Variants in OR56B4 observed in about 807,000 individuals in gnomAD.
OR56B4 encodes olfactory receptor family 56 subfamily B member 4.
For synonymous variants in OR56B4, 142 were observed against 149.5 expected (o/e 0.95, Z 0.37); for missense variants, 447 against 384.6 (o/e 1.16, Z -1.36).
Position 6,107,963 on chromosome 11 carries a change from A to T in OR56B4, c.185A>T (p.His62Leu), listed in dbSNP as rs149957525. ...ACCATTCAACATGAGACCGTGCTACATGAACCCATGTACCATTTGCTGGGC... is the reference window on the plus strand; with the variant it reads ...ACCATTCAACATGAGACCGTGCTACTTGAACCCATGTACCATTTGCTGGGC... ...IITIQHETVL[H>L]EPMYHLLGIL... The change falls in exon 1 of 1, where the codon CAT becomes CTT. Residue 62 changes from histidine to leucine, a missense_variant. His to Leu is a moderately conservative substitution (Grantham distance 99). Transcript: ENST00000316529. 357 of 1,614,108 alleles carry T rather than the reference A, an allele frequency of 2.2e-4. 1 individual carries two copies. The highest frequency in any genetic ancestry group is 1.0e-3 in the Middle Eastern group (6 of 6,008).
Position 6,108,331 on chromosome 11 carries a change from T to G in OR56B4, c.553T>G (p.Cys185Gly). ...CSRNEIEHCL[C>G]SNLGVISLAC... Reference sequence around the variant, plus strand: ...CAGGAATGAAATCGAGCACTGCCTCTGCTCTAACTTGGGGGTTATCAGCCT... The same window carrying G: ...CAGGAATGAAATCGAGCACTGCCTCGGCTCTAACTTGGGGGTTATCAGCCT... Residue 185 changes from cysteine (C) to glycine (G), a missense_variant, in exon 1 of 1, where the codon TGC becomes GGC. Cys to Gly is a radical substitution (Grantham distance 159). Coordinates refer to ENST00000316529, the MANE Select transcript of OR56B4 (RefSeq NM_001005181.2). 1.2e-6 allele frequency: 2 copies of G among 1,614,236 alleles called. No homozygotes were observed. The highest frequency in any genetic ancestry group is 1.7e-6 in the Non-Finnish European group (2 of 1,180,040).
chr11:6,108,706 CT>C lies in OR56B4; in HGVS notation c.929del (p.Leu310ArgfsTer21). 1 of 1,614,086 alleles carries C rather than the reference CT, an allele frequency of 6.2e-7. No homozygotes were observed. The highest frequency in any genetic ancestry group is 1.1e-5 in the South Asian group (1 of 91,078). Reference protein sequence around the residue: ...MHKLRLGFQRLLGLGQDVSK With the variant: ...MHKLRLGFQRXLGLGQDVSK ...CAAACTCAGACTGGGCTTTCAGAGA[CT>C]GCTTGGACTGGGTCAGGACGTGTCC... is the stretch of plus-strand genomic sequence containing the variant. On this transcript the variant is annotated frameshift_variant, in exon 1 of 1. Transcript: ENST00000316529. LOFTEE classifies it high-confidence loss of function.
Position 6,108,405 on chromosome 11 carries a change from A to G in OR56B4, c.627A>G (p.Ala209=), listed in dbSNP as rs919155370. The change falls in exon 1 of 1, where the codon GCA becomes GCG. Residue 209 remains alanine, a synonymous_variant. Coordinates refer to ENST00000316529, the MANE Select transcript of OR56B4 (RefSeq NM_001005181.2). ...ACAAATTTTACCAACTGATGCTAGCATGGGTCTTGGTTGGGAGTGATATGG... is the reference window on the plus strand; with the variant it reads ...ACAAATTTTACCAACTGATGCTAGCGTGGGTCTTGGTTGGGAGTGATATGG... The part of the protein sequence containing the change: ...TVNKFYQLML[A]WVLVGSDMAL... 6 of 1,613,940 alleles carry G rather than the reference A, an allele frequency of 3.7e-6. No individual in the cohort carries two copies. The African/African-American group carries it at 5.3e-5, about 14-fold the overall frequency.
chr11:6,107,933 T>C lies in OR56B4; in HGVS notation c.155T>C (p.Ile52Thr), dbSNP rs774240363. 1 of 1,614,138 alleles carries C rather than the reference T, an allele frequency of 6.2e-7. No homozygotes were observed. Among genetic ancestry groups the C allele is most frequent in the South Asian group, 1.1e-5 (1 of 91,088 alleles). ...GCTCTTGGTGCCAATCTCCTCATCA[T>C]AATCACCATTCAACATGAGACCGTG... is the stretch of plus-strand genomic sequence containing the variant. The part of the protein sequence containing the change: ...LLALGANLLI[I>T]ITIQHETVLH... Residue 52 changes from isoleucine to threonine, a missense_variant, in exon 1 of 1, where the codon ATA becomes ACA. By Grantham distance (89) the Ile-to-Thr change is moderately conservative (BLOSUM62 -1). Transcript: ENST00000316529.
rs768531928 is a variant in OR56B4 at position 6,108,498 on chromosome 11, G to T, written c.720G>T (p.Met240Ile). The T allele has an allele frequency of 3.6e-5, 58 of 1,614,196 alleles. No individual in the cohort carries two copies. The highest frequency in any genetic ancestry group is 4.7e-5 in the Non-Finnish European group (56 of 1,180,028). Reference sequence around the variant, plus strand: ...TGAGGCTGAACTCAGCAGAAGCAATGTCCAAGGCTCTGAGCACTTGTAGCT... The same window carrying T: ...TGAGGCTGAACTCAGCAGAAGCAATTTCCAAGGCTCTGAGCACTTGTAGCT... ...SVLRLNSAEA[M>I]SKALSTCSSH... is the part of the protein sequence containing the mutation. The change falls in exon 1 of 1, where the codon ATG (methionine) becomes ATT (isoleucine). Residue 240 changes from methionine (M) to isoleucine (I), a missense_variant. Transcript: ENST00000316529.
In OR56B4 at chr11:6,108,377, T is replaced by A; in HGVS notation, c.599T>A (p.Val200Glu). The change falls in exon 1 of 1, where the codon GTG becomes GAG. Residue 200 changes from valine (V) to glutamate (E), a missense_variant. Coordinates refer to ENST00000316529, the MANE Select transcript of OR56B4 (RefSeq NM_001005181.2). ...VISLACDDITVNKFYQLMLAW... is the reference protein window; with the variant it reads ...VISLACDDITENKFYQLMLAW... ...AGCCTGGCTTGTGATGACATCACTGTGAACAAATTTTACCAACTGATGCTA... is the reference window on the plus strand; with the variant it reads ...AGCCTGGCTTGTGATGACATCACTGAGAACAAATTTTACCAACTGATGCTA... The A allele has an allele frequency of 6.2e-7, 1 of 1,614,184 alleles. No individual in the cohort carries two copies. Among genetic ancestry groups the A allele is most frequent in the East Asian group, 2.2e-5 (1 of 44,884 alleles).
Position 6,108,080 on chromosome 11 carries a change from C to A in OR56B4, c.302C>A (p.Pro101His), listed in dbSNP as rs1849024399. The A allele has an allele frequency of 6.2e-7, 1 of 1,614,034 alleles. No homozygotes were observed. Among genetic ancestry groups the A allele is most frequent in the African/African-American group, 1.3e-5 (1 of 74,934 alleles). The change falls in exon 1 of 1, where the codon CCC (proline) becomes CAC (histidine). Residue 101 changes from proline (P) to histidine (H), a missense_variant. Transcript: ENST00000316529. ...FWFDAKAISL[P>H]MCFAQIYAIH... ...TTTGATGCCAAGGCCATTAGCCTCC[C>A]CATGTGTTTTGCTCAGATCTATGCC...
At position 6,108,318 on chromosome 11, in the gene OR56B4, C is replaced by A. The variant is rs772357495; in HGVS notation, c.540C>A (p.Ile180=). 1 of 1,614,182 alleles carries A rather than the reference C, an allele frequency of 6.2e-7. No individual in the cohort carries two copies. The highest frequency in any genetic ancestry group is 8.5e-7 in the Non-Finnish European group (1 of 1,180,020). Residue 180 remains isoleucine, a synonymous_variant, in exon 1 of 1, where the codon ATC becomes ATA. Transcript: ENST00000316529. ...AQRHYCSRNE[I]EHCLCSNLGV... is the part of the protein sequence containing the mutation. ...GACACTACTGTTCCAGGAATGAAATCGAGCACTGCCTCTGCTCTAACTTGG... is the reference window on the plus strand; with the variant it reads ...GACACTACTGTTCCAGGAATGAAATAGAGCACTGCCTCTGCTCTAACTTGG...
Position 6,108,650 on chromosome 11 carries a change from T to C in OR56B4, c.872T>C (p.Leu291Pro), listed in dbSNP as rs778713770. The C allele has an allele frequency of 1.1e-5, 18 of 1,613,930 alleles. No individual in the cohort carries two copies. In the South Asian group the frequency reaches 1.4e-4, roughly 13 times the overall value. Residue 291 changes from leucine to proline, a missense_variant, in exon 1 of 1, where the codon CTC (leucine) becomes CCC (proline). By Grantham distance (98) the Leu-to-Pro change is moderately conservative. Coordinates refer to ENST00000316529, the MANE Select transcript of OR56B4 (RefSeq NM_001005181.2). ...NVLHNVIPPA[L>P]NPLACALRMH... ...CTGCACAATGTCATCCCCCCTGCAC[T>C]CAACCCCCTGGCCTGTGCACTCAGG...
rs774190595 is a variant in OR56B4 at position 6,107,983 on chromosome 11, C to G, written c.205C>G (p.Leu69Val). 14 of 1,613,934 alleles carry G rather than the reference C, an allele frequency of 8.7e-6. No homozygotes were observed. In the East Asian group the frequency reaches 2.9e-4, roughly 33 times the overall value. Residue 69 changes from leucine (L) to valine (V), a missense_variant, in exon 1 of 1, where the codon CTG becomes GTG. Coordinates refer to ENST00000316529, the MANE Select transcript of OR56B4 (RefSeq NM_001005181.2). ...TVLHEPMYHL[L>V]GILAVVDIGL... The stretch of plus-strand genomic sequence containing the variant: ...GCTACATGAACCCATGTACCATTTG[C>G]TGGGCATATTAGCAGTGGTGGACAT...
In OR56B4 at chr11:6,108,509, T is replaced by C. The variant is rs202124822; in HGVS notation, c.731T>C (p.Leu244Pro). 13 of 1,614,232 alleles carry C rather than the reference T, an allele frequency of 8.1e-6. No homozygotes were observed. In the East Asian group the frequency reaches 2.9e-4, roughly 36 times the overall value. The part of the protein sequence containing the change: ...LNSAEAMSKA[L>P]STCSSHLILI... ...TCAGCAGAAGCAATGTCCAAGGCTC[T>C]GAGCACTTGTAGCTCCCACCTCATC... Residue 244 changes from leucine to proline, a missense_variant, in exon 1 of 1, where the codon CTG becomes CCG. Physicochemically the swap from Leu to Pro is moderately conservative, Grantham distance 98. Coordinates refer to ENST00000316529, the MANE Select transcript of OR56B4 (RefSeq NM_001005181.2).
At position 6,108,082 on chromosome 11, in the gene OR56B4, ATG is replaced by A. The variant is rs753381605; in HGVS notation, c.308_309del (p.Cys103PhefsTer41). The A allele has an allele frequency of 5.0e-5, 80 of 1,613,960 alleles. No homozygotes were observed. Among genetic ancestry groups the A allele is most frequent in the Non-Finnish European group, 6.4e-5 (75 of 1,179,966 alleles). ...TGATGCCAAGGCCATTAGCCTCCCCATGTGTTTTGCTCAGATCTATGCCATCC... is the reference window on the plus strand; with the variant it reads ...TGATGCCAAGGCCATTAGCCTCCCCATGTTTTGCTCAGATCTATGCCATCC... ...WFDAKAISLP[M>X]CFAQIYAIHC... On this transcript the variant is annotated frameshift_variant, in exon 1 of 1. Transcript: ENST00000316529. LOFTEE classifies it low-confidence loss of function (END_TRUNC).
rs1394448118 is a variant in OR56B4 at position 6,107,989 on chromosome 11, A to G, written c.211A>G (p.Ile71Val). 1 of 1,614,106 alleles carries G rather than the reference A, an allele frequency of 6.2e-7. No individual in the cohort carries two copies. The highest frequency in any genetic ancestry group is 1.7e-5 in the Admixed American group (1 of 60,020). ...LHEPMYHLLG[I>V]LAVVDIGLAT... Reference sequence around the variant, plus strand: ...TGAACCCATGTACCATTTGCTGGGCATATTAGCAGTGGTGGACATTGGCCT... The same window carrying G: ...TGAACCCATGTACCATTTGCTGGGCGTATTAGCAGTGGTGGACATTGGCCT... The change falls in exon 1 of 1, where the codon ATA becomes GTA. Residue 71 changes from isoleucine to valine, a missense_variant. Physicochemically the swap from Ile to Val is conservative, Grantham distance 29 (BLOSUM62 3). Coordinates refer to ENST00000316529, the MANE Select transcript of OR56B4 (RefSeq NM_001005181.2).
rs1849020952 is a variant in OR56B4, at chr11:6,107,763, C to T, written c.-16C>T. On this transcript the variant is annotated 5_prime_UTR_variant, in exon 1 of 1. Coordinates refer to ENST00000316529, the MANE Select transcript of OR56B4 (RefSeq NM_001005181.2). ...CTTCTATTTCAGACAGACACTGAGA[C>T]TGAGGCACCCATTCCATGGATACCT... 6.3e-7 allele frequency: 1 copy of T among 1,596,418 alleles called. No homozygotes were observed. The highest frequency in any genetic ancestry group is 1.7e-5 in the Admixed American group (1 of 59,204).
Position 6,108,309 on chromosome 11 carries a change from G to A in OR56B4, c.531G>A (p.Arg177=), listed in dbSNP as rs267603063. The A allele has an allele frequency of 3.1e-6, 5 of 1,614,172 alleles. No homozygotes were observed. The highest frequency in any genetic ancestry group is 4.2e-6 in the Non-Finnish European group (5 of 1,180,014). Residue 177 remains arginine, a synonymous_variant, in exon 1 of 1, where the codon AGG becomes AGA. Transcript: ENST00000316529. ...ILAAQRHYCS[R]NEIEHCLCSN... The stretch of plus-strand genomic sequence containing the variant: ...CTGCCCAGAGACACTACTGTTCCAG[G>A]AATGAAATCGAGCACTGCCTCTGCT...
In OR56B4 at chr11:6,108,554, G is replaced by T. The variant is rs774988701; in HGVS notation, c.776G>T (p.Gly259Val). The T allele has an allele frequency of 4.3e-6, 7 of 1,613,868 alleles. No homozygotes were observed. The highest frequency in any genetic ancestry group is 4.5e-5 in the East Asian group (2 of 44,898). Residue 259 changes from glycine (G) to valine (V), a missense_variant, in exon 1 of 1, where the codon GGT (glycine) becomes GTT (valine). Gly to Val is a moderately radical substitution (Grantham distance 109). Coordinates refer to ENST00000316529, the MANE Select transcript of OR56B4 (RefSeq NM_001005181.2). ...CTCATCCTCATCCTCTTCCACACAG[G>T]TATCATTGTGCTGTCTGTCACACAC... ...SHLILILFHT[G>V]IIVLSVTHLA...
In OR56B4 at chr11:6,108,176, G is replaced by C. The variant is rs1849025487; in HGVS notation, c.398G>C (p.Cys133Ser). The change falls in exon 1 of 1, where the codon TGT (cysteine) becomes TCT (serine). Residue 133 changes from cysteine (C) to serine (S), a missense_variant. Cys to Ser is a moderately radical substitution (Grantham distance 112). Transcript: ENST00000316529. ...GCAGTAGACAGATACATAGCCATCT[G>C]TCGCCCTCTTCAGTACCCCTCCATA... Reference protein sequence around the residue: ...CMAVDRYIAICRPLQYPSIVT... With the variant: ...CMAVDRYIAISRPLQYPSIVT... The C allele has an allele frequency of 6.2e-7, 1 of 1,614,132 alleles. No homozygotes were observed. The highest frequency in any genetic ancestry group is 8.5e-7 in the Non-Finnish European group (1 of 1,180,016).
At position 6,108,465 on chromosome 11, in the gene OR56B4, C is replaced by T; in HGVS notation, c.687C>T (p.His229=). Residue 229 remains histidine (H), a synonymous_variant, in exon 1 of 1, where the codon CAC becomes CAT. Transcript: ENST00000316529. ...LVFSSYAVIL[H]SVLRLNSAEA... ...TTTCTTCCTATGCTGTAATCCTTCA[C>T]TCTGTGCTGAGGCTGAACTCAGCAG... 2 of 1,614,162 alleles carry T rather than the reference C, an allele frequency of 1.2e-6. No individual in the cohort carries two copies. The highest frequency in any genetic ancestry group is 2.2e-5 in the East Asian group (1 of 44,876).
In OR56B4 at chr11:6,108,638, TC is replaced by T. The variant is rs753608211; in HGVS notation, c.866del (p.Pro289LeufsTer42). 6 of 1,613,898 alleles carry T rather than the reference TC, an allele frequency of 3.7e-6. No homozygotes were observed. In the Admixed American group the frequency reaches 5.0e-5, roughly 13 times the overall value. ...PVFLNVLHNV[I>X]PPALNPLACA... ...TTCCTTAATGTGCTGCACAATGTCA[TC>T]CCCCCTGCACTCAACCCCCTGGCCT... On this transcript the variant is annotated frameshift_variant, in exon 1 of 1. Coordinates refer to ENST00000316529, the MANE Select transcript of OR56B4 (RefSeq NM_001005181.2). LOFTEE classifies it low-confidence loss of function (END_TRUNC).
Sources: gnomAD v4.1 joint callset for allele counts on GRCh38, gnomAD v4.1.1 for gene constraint, MANE v1.5 for transcripts, NCBI Gene and HGNC (gene_info 2026-07-23, HGNC 2026-07-21) for gene names.